Variants in RBFOX1 observed in about 807,000 individuals in gnomAD.
The protein encoded by RBFOX1 is RNA binding protein fox-1 homolog 1.
Under a neutral mutation model 57.7 loss-of-function variants are expected in RBFOX1, and 8 were observed. The observed-to-expected ratio is 0.14, with a 90% CI of 0.08 to 0.25. RBFOX1 has a LOEUF of 0.25. RBFOX1 is among the 10% of genes least tolerant of loss of function. The pLI is 1.00. For synonymous variants in RBFOX1, 326 were observed against 222.4 expected, an observed-to-expected ratio of 1.47 and a Z score of -4.15; for missense variants, 611 against 548.5, an observed-to-expected ratio of 1.11 and a Z score of -1.14.
At chr16:6,238,442 T>G (rs535651795) in intron 1 of RBFOX1, among the ~76,000 whole-genome samples, 2 of 152,300 alleles carry the variant, frequency 1.3e-5, no homozygotes, top group South Asian at 4.1e-4. Context: ...GTAGGATGCC[T>G]CCTGGCATGG....
chr16:7,148,439 A>G (rs965368720), intron 4 of RBFOX1, among the ~76,000 whole-genome samples: 22 of 152,284 alleles, frequency 1.4e-4, no homozygotes, highest in African/African-American at 5.3e-4. Flanking sequence ...TTCTCTATGT[A>G]TTTTAAAACC....
At chr16:7,475,557 C>A (rs949411352) in intron 4 of RBFOX1, among the ~76,000 whole-genome samples, 1 of 152,094 alleles carries the variant, frequency 6.6e-6, no homozygotes, top group Non-Finnish European at 1.5e-5. Context: ...CTCGTGATCA[C>A]CCACCTTGGC....
intron 1 of RBFOX1, among the ~76,000 whole-genome samples, chr16:6,132,689 G>A (rs1168402281): frequency 6.6e-6 from 1 of 151,994 alleles, no homozygotes; most frequent in African/African-American, 2.4e-5. Context: ...ATATTTGGGA[G>A]GAAAAAGTGA....
chr16:6,904,769 C>G (rs527976300), intron 3 of RBFOX1, among the ~76,000 whole-genome samples: 4 of 152,176 alleles, frequency 2.6e-5, no homozygotes, highest in African/African-American at 9.6e-5. Flanking sequence ...GCCAGTTCAC[C>G]TGCCCGGGCT....
chr16:7,045,234 G>GTGT (rs747279945), intron 3 of RBFOX1, among the ~76,000 whole-genome samples: 6 of 152,050 alleles, frequency 3.9e-5, no homozygotes, highest in Non-Finnish European at 8.8e-5. Flanking sequence ...GGTGGTGGTG[G>GTGT]CAACCAGTTT....
intron 3 of RBFOX1, among the ~76,000 whole-genome samples, chr16:6,918,557 G>C (rs948924267): frequency 6.6e-6 from 1 of 152,032 alleles, no homozygotes; most frequent in African/African-American, 2.4e-5. Context: ...ATATCCAGAG[G>C]CATCATTTAA....
chr16:7,180,025 G>C (rs771003692), intron 4 of RBFOX1, among the ~76,000 whole-genome samples: 4 of 151,946 alleles, frequency 2.6e-5, no homozygotes, highest in Non-Finnish European at 5.9e-5. Flanking sequence ...ATATAGGCTT[G>C]AGCCACTGAG....
In RBFOX1 at chr16:6,962,372, T is replaced by G. The variant is rs144133547; in HGVS notation, c.-15-89685T>G. On this transcript the variant is annotated intron_variant, in intron 3 of 15. Coordinates refer to ENST00000550418, the MANE Select transcript of RBFOX1 (RefSeq NM_018723.4). ...CCTACACATTCATAGGTAGCAAGGG[T>G]TAGGACTTCGACTTATCTTTTTAGG... 2.9e-3 allele frequency among the ~76,000 whole-genome samples: 441 copies of G among 152,262 alleles called. 5 individuals carry two copies. Among genetic ancestry groups the G allele is most frequent in the African/African-American group, 0.01 (424 of 41,556 alleles).
At chr16:6,497,955 A>G (rs191652549) in intron 2 of RBFOX1, among the ~76,000 whole-genome samples, 2 of 152,126 alleles carry the variant, frequency 1.3e-5, no homozygotes, top group African/African-American at 4.8e-5. Flanking sequence ...ATGTCAAAAG[A>G]TGACAATTCC....
intron 4 of RBFOX1, among the ~76,000 whole-genome samples, chr16:7,196,096 C>G (rs1392668698): frequency 3.3e-5 from 5 of 151,834 alleles, no homozygotes; most frequent in African/African-American, 1.2e-4. Flanking sequence ...TTATTGTTTG[C>G]TCTTTTCTCT....
chr16:6,732,434 C>T (rs866615287), intron 3 of RBFOX1, among the ~76,000 whole-genome samples: 2 of 152,222 alleles, frequency 1.3e-5, no homozygotes, highest in African/African-American at 4.8e-5. Flanking sequence ...ACTGCACCTG[C>T]ACTGGGGAGT....
chr16:7,678,283 A>G (rs1436336109), intron 14 of RBFOX1, among the ~76,000 whole-genome samples: 1 of 152,202 alleles, frequency 6.6e-6, no homozygotes, highest in Non-Finnish European at 1.5e-5. Flanking sequence ...GTAAGTTGTT[A>G]TCTCCAACAC....
intron 1 of RBFOX1, among the ~76,000 whole-genome samples, chr16:5,247,857 A>G (rs940914174): frequency 3.3e-5 from 5 of 152,134 alleles, no homozygotes; most frequent in African/African-American, 1.2e-4. Flanking sequence ...AAATGTACAC[A>G]GGTCTGGGCT....
At chr16:6,144,195 C>T (rs1348452217) in intron 1 of RBFOX1, among the ~76,000 whole-genome samples, 1 of 152,096 alleles carries the variant, frequency 6.6e-6, no homozygotes, top group Admixed American at 6.6e-5. Flanking sequence ...ATTAGAATGC[C>T]ATGGACTATA....
chr16:5,409,991 T>G (rs1038317104), intron 1 of RBFOX1, among the ~76,000 whole-genome samples: 13 of 149,378 alleles, frequency 8.7e-5, no homozygotes, highest in African/African-American at 3.0e-4. Context: ...GAGGTTGCAG[T>G]GAGCTGAGAT....
chr16:5,707,347 G>T (rs1475954095), intron 3 of RBFOX1, among the ~76,000 whole-genome samples: 2 of 152,196 alleles, frequency 1.3e-5, no homozygotes, highest in African/African-American at 4.8e-5. Context: ...TTGTAAGTCA[G>T]TTCTTTAAGA....
At chr16:6,703,994 C>T (rs1235398567) in intron 3 of RBFOX1, 4 of 152,418 alleles carry the variant, frequency 2.6e-5, no homozygotes, top group African/African-American at 9.6e-5. Flanking sequence ...TTAACCCTCT[C>T]TGTGTCTCTC....
chr16:5,901,211 A>G (rs1333861291), intron 4 of RBFOX1, among the ~76,000 whole-genome samples: 1 of 152,120 alleles, frequency 6.6e-6, no homozygotes, highest in Non-Finnish European at 1.5e-5. Flanking sequence ...TGTGGGGGCT[A>G]CTTCTTATAT....
chr16:5,461,575 G>C (rs537597537), intron 1 of RBFOX1, among the ~76,000 whole-genome samples: 2 of 152,192 alleles, frequency 1.3e-5, no homozygotes, highest in African/African-American at 2.4e-5. Context: ...TGAGGAAAAA[G>C]GGGCAGAGTC....
Sources: gnomAD v4.1 joint callset for allele counts (sites outside exome capture counted in the v4.1 genomes callset) on GRCh38, gnomAD v4.1.1 for gene constraint, MANE v1.5 for transcripts, NCBI Gene and HGNC (gene_info 2026-07-23, HGNC 2026-07-21) for gene names.